CCNE2: variants seen among roughly 807,000 people sequenced by gnomAD.
CCNE2 encodes G1/S-specific cyclin-E2.
In CCNE2, 18 loss-of-function variants were observed where a neutral mutation model predicts 56.8. The ratio of observed to expected loss-of-function variants is 0.32; its 90% CI spans 0.22 to 0.47. The LOEUF is 0.47. CCNE2 is among the 20% of genes least tolerant of loss of function. The pLI is 1.00. For missense variants in CCNE2, 371 were observed against 467.1 expected (o/e 0.79, Z 1.90); for synonymous variants, 139 against 149.2 (o/e 0.93, Z 0.50).
At chr8:94,885,599 A>C in intron 7 of CCNE2, 41 bp from the exon 8 acceptor site, 1 of 1,147,712 alleles carries the variant, frequency 8.7e-7, no homozygotes. Context: ...ATTGAGATAG[A>C]AATTAATTAC....
chr8:94,890,442 C>A lies in CCNE2; in HGVS notation c.426G>T (p.Arg142Ser), dbSNP rs1350486836. The part of the protein sequence containing the change: ...VLHSDLEPQM[R>S]SILLDWLLEV... Reference sequence around the variant, plus strand: ...CTAAAAGCCAGTCTAGAAGTATGGACCTCATCTGTGGTTCCAAGTCAGAAT... The same window carrying A: ...CTAAAAGCCAGTCTAGAAGTATGGAACTCATCTGTGGTTCCAAGTCAGAAT... Residue 142 changes from arginine (R) to serine (S), a missense_variant, in exon 6 of 12, where the codon AGG becomes AGT. By Grantham distance (110) the Arg-to-Ser change is moderately radical. Coordinates refer to ENST00000308108, the MANE Select transcript of CCNE2 (RefSeq NM_057749.3). 1 of 1,606,932 alleles carries A rather than the reference C, an allele frequency of 6.2e-7. No homozygotes were observed. The highest frequency in any genetic ancestry group is 1.1e-5 in the South Asian group (1 of 90,034).
rs780682434 is a variant in CCNE2, at chr8:94,894,060, GCTT to G, written c.71_73del (p.Glu24del). 5.0e-6 allele frequency: 8 copies of G among 1,613,664 alleles called. No individual in the cohort carries two copies. Among genetic ancestry groups the G allele is most frequent in the South Asian group, 1.1e-5 (1 of 91,056 alleles). ...CCTCTTCTTGGCCTGGATTATCTGGGCTTCTTGGGGGGATTCCGTCTGGCTGGG... is the reference window on the plus strand; with the variant it reads ...CCTCTTCTTGGCCTGGATTATCTGGGCTTGGGGGGATTCCGTCTGGCTGGG... On this transcript the variant is annotated inframe_deletion, in exon 3 of 12. Transcript: ENST00000308108.
At chr8:94,886,070 G>A (rs1817027305) in intron 7 of CCNE2, among the ~76,000 whole-genome samples, 1 of 152,096 alleles carries the variant, frequency 6.6e-6, no homozygotes, top group Admixed American at 6.5e-5. Context: ...CCTGTTGTAC[G>A]TCAAGGGGCA....
At position 94,881,447 on chromosome 8, in the gene CCNE2, A is replaced by T. The variant is rs1356052143; in HGVS notation, c.*185T>A. The stretch of plus-strand genomic sequence containing the variant: ...TCCTGCTGTTTCTTTAACAGCTAAC[A>T]TAGGAAATAATTAAATGTATTCTTT... On this transcript the variant is annotated 3_prime_UTR_variant, in exon 12 of 12. Transcript: ENST00000308108. 1 of 587,782 alleles carries T rather than the reference A, an allele frequency of 1.7e-6. No individual in the cohort carries two copies. Among genetic ancestry groups the T allele is most frequent in the Non-Finnish European group, 2.9e-6 (1 of 341,298 alleles). 36.4% of individuals were successfully genotyped at this position (587,782 alleles called of 1,614,324 possible).
At chr8:94,883,080 CCTGG>C (rs1220162938) in intron 9 of CCNE2, among the ~76,000 whole-genome samples, 188 bp from the exon 10 acceptor site, 5 of 151,980 alleles carry the variant, frequency 3.3e-5, no homozygotes, top group African/African-American at 1.2e-4. Context: ...TCGAGACCAT[CCTGG>C]CTAACACGGT....
rs1816785236 is a variant in CCNE2 at position 94,880,910 on chromosome 8, G to C, written c.*722C>G. The C allele has an allele frequency of 2.5e-6, 1 of 398,606 alleles. No individual in the cohort carries two copies. The highest frequency in any genetic ancestry group is 4.4e-6 in the Non-Finnish European group (1 of 225,936). 24.7% of individuals were successfully genotyped at this position (398,606 alleles called of 1,614,324 possible). A position where few individuals can be genotyped will look rare whatever the true frequency, so the allele number is the denominator to read the frequency against. On this transcript the variant is annotated 3_prime_UTR_variant, in exon 12 of 12. Transcript: ENST00000308108. Reference sequence around the variant, plus strand: ...CAACCTACATGTCAAGAAAGCCCCAGTTAGGAAGGAGCCACAGCATTTATC... The same window carrying C: ...CAACCTACATGTCAAGAAAGCCCCACTTAGGAAGGAGCCACAGCATTTATC...
Position 94,881,030 on chromosome 8 carries a change from AG to A in CCNE2, c.*601del. Reference sequence around the variant, plus strand: ...ATTAGTTAAAAAATGTGTTATGGCAAGGCAAATAAACTAGTTTAAAAAACAT... The same window carrying A: ...ATTAGTTAAAAAATGTGTTATGGCAAGCAAATAAACTAGTTTAAAAAACAT... On this transcript the variant is annotated 3_prime_UTR_variant, in exon 12 of 12. Transcript: ENST00000308108. 2.5e-6 allele frequency: 1 copy of A among 398,660 alleles called. No individual in the cohort carries two copies. Among genetic ancestry groups the A allele is most frequent in the Non-Finnish European group, 4.4e-6 (1 of 225,800 alleles). 24.7% of individuals were successfully genotyped at this position (398,660 alleles called of 1,614,324 possible). A position where few individuals can be genotyped will look rare whatever the true frequency, so the allele number is the denominator to read the frequency against.
In CCNE2 at chr8:94,885,921, G is replaced by C. The variant is rs757358703; in HGVS notation, c.601-363C>G. Among the ~76,000 whole-genome samples, 202 of 152,074 alleles carry C rather than the reference G, an allele frequency of 1.3e-3. No individual in the cohort carries two copies. The Middle Eastern group carries it at 0.017, about 13-fold the overall frequency. On this transcript the variant is annotated intron_variant, in intron 7 of 11. Coordinates refer to ENST00000308108, the MANE Select transcript of CCNE2 (RefSeq NM_057749.3). ...TTCAGGAGAGAGAGGGTTTCACCAT[G>C]TAGGCCAGATTGGTCTCAAACTCCT...
At position 94,881,103 on chromosome 8, in the gene CCNE2, T is replaced by C. The variant is rs992165198; in HGVS notation, c.*529A>G. The C allele has an allele frequency of 1.0e-5, 4 of 396,894 alleles. No homozygotes were observed. Among genetic ancestry groups the C allele is most frequent in the African/African-American group, 2.1e-5 (1 of 48,622 alleles). The allele number at this position is 396,894 out of a possible 1,614,324, so 24.6% of individuals were successfully genotyped here. The stretch of plus-strand genomic sequence containing the variant: ...ATTCAAGTTTTATAATAGCTTGCTA[T>C]AGCAGCTATAGATAAATTAGTCACC... On this transcript the variant is annotated 3_prime_UTR_variant, in exon 12 of 12. Transcript: ENST00000308108.
At chr8:94,883,100 C>T (rs573463331) in intron 9 of CCNE2, among the ~76,000 whole-genome samples, 1 of 152,136 alleles carries the variant, frequency 6.6e-6, no homozygotes, top group East Asian at 1.9e-4. Flanking sequence ...ACGGTGAAAC[C>T]CCGCCTCTAC....
upstream of CCNE2, chr8:94,895,270 T>G (rs1035998946): frequency 1.2e-5 from 12 of 985,174 alleles, no homozygotes; most frequent in Non-Finnish European, 1.4e-5. Flanking sequence ...CGCCTCAGAC[T>G]GACACCTCCG....
At chr8:94,888,899 A>C (rs1406680147) in intron 6 of CCNE2, among the ~76,000 whole-genome samples, 6 of 152,208 alleles carry the variant, frequency 3.9e-5, no homozygotes, top group African/African-American at 1.4e-4. Flanking sequence ...CTGTAATCCC[A>C]GCACTTTGGG....
chr8:94,881,777 C>G, intron 11 of CCNE2, 32 bp from the exon 12 acceptor site: 1 of 1,610,376 alleles, frequency 6.2e-7, no homozygotes, highest in Non-Finnish European at 8.5e-7. Context: ...GCACTGATTT[C>G]ATAAATCAAA....
At chr8:94,882,920 A>C in intron 9 of CCNE2, 28 bp from the exon 10 acceptor site, 1 of 1,416,246 alleles carries the variant, frequency 7.1e-7, no homozygotes, top group Non-Finnish European at 1.0e-6. Flanking sequence ...AGTACAAGCA[A>C]TTTAGGAGAA....
intron 5 of CCNE2, among the ~76,000 whole-genome samples, chr8:94,892,463 C>A (rs760677963): frequency 5.3e-5 from 8 of 152,170 alleles, no homozygotes; most frequent in Non-Finnish European, 8.8e-5. Context: ...AGGGTTGATA[C>A]ATCAATTGGA....
At chr8:94,891,372 C>A in intron 5 of CCNE2, 1 of 246,936 alleles carries the variant, frequency 4.0e-6, no homozygotes. Context: ...TGAAAAACCA[C>A]AAAGTGGCCG....
intron 11 of CCNE2, 107 bp downstream of exon 11, chr8:94,882,025 C>A: frequency 8.6e-7 from 1 of 1,156,828 alleles, no homozygotes; most frequent in Non-Finnish European, 1.2e-6. Flanking sequence ...CCCCTTAGAA[C>A]TTTCTTTCCC....
At chr8:94,891,681 C>T in intron 5 of CCNE2, 1 of 264,232 alleles carries the variant, frequency 3.8e-6, no homozygotes. Context: ...AAAAAAAAAA[C>T]ACCATGAAGT....
At chr8:94,896,496 G>T (rs1418835622), upstream of CCNE2, 1 of 152,208 alleles carries the variant, frequency 6.6e-6, no homozygotes, top group Non-Finnish European at 1.5e-5. Flanking sequence ...CGGGTATTCC[G>T]CAAACAGGTT....
Sources: allele counts gnomAD v4.1 joint callset (sites outside exome capture counted in the v4.1 genomes callset), GRCh38; gene constraint gnomAD v4.1.1; transcripts MANE v1.5; gene names NCBI Gene and HGNC (gene_info 2026-07-23, HGNC 2026-07-21).